The following ACTR3C variants were observed in gnomAD, a reference collection of about 807,000 sequenced individuals.
The protein encoded by ACTR3C is actin related protein 3C, also known as actin-related protein 3C.
ACTR3C carries 18 observed loss-of-function variants against 26.3 expected under a neutral mutation model. The observed-to-expected ratio is 0.68, with a 90% CI of 0.47 to 1.01. The LOEUF (loss-of-function observed/expected upper bound fraction) is 1.01. ACTR3C is among the 50% of genes least tolerant of loss of function. ACTR3C has a pLI of 0.00. For missense variants in ACTR3C, 184 were observed against 250.7 expected (o/e 0.73, Z 1.80); for synonymous variants, 55 against 94.5 (o/e 0.58, Z 2.42).
the ACTR3C span, among the ~76,000 whole-genome samples, chr7:150,083,094 T>C: frequency 2.0e-5 from 3 of 151,076 alleles, no homozygotes; most frequent in Non-Finnish European, 4.4e-5. Context: ...TACAGGCACA[T>C]ACCACCATGC....
At chr7:150,015,954 T>C in the ACTR3C span, among the ~76,000 whole-genome samples, 2 of 152,116 alleles carry the variant, frequency 1.3e-5, no homozygotes, top group Admixed American at 6.5e-5. Context: ...TGGTTTTCCA[T>C]GGCACAGTGA....
chr7:150,119,133 A>G, the ACTR3C span, among the ~76,000 whole-genome samples: 1 of 152,236 alleles, frequency 6.6e-6, no homozygotes, highest in South Asian at 2.1e-4. Flanking sequence ...CTGCAAAAAC[A>G]TACCAAAATG....
chr7:149,942,550 T>C, the ACTR3C span, among the ~76,000 whole-genome samples: 1 of 151,776 alleles, frequency 6.6e-6, no homozygotes, highest in Non-Finnish European at 1.5e-5. Flanking sequence ...ATCATTATTA[T>C]TGTCCAGAGA....
the ACTR3C span, among the ~76,000 whole-genome samples, chr7:149,988,133 T>C: frequency 1.3e-5 from 2 of 152,244 alleles, no homozygotes; most frequent in Non-Finnish European, 2.9e-5. Context: ...CGCACATTGC[T>C]GGCTTGCTGG....
At chr7:150,170,320 A>C in the ACTR3C span, among the ~76,000 whole-genome samples, 4 of 150,868 alleles carry the variant, frequency 2.7e-5, no homozygotes, top group East Asian at 7.7e-4. Context: ...CCAGTTTTGA[A>C]GGTGGCATCT....
the ACTR3C span, among the ~76,000 whole-genome samples, chr7:149,910,624 T>C: frequency 6.6e-6 from 1 of 152,128 alleles, no homozygotes; most frequent in African/African-American, 2.4e-5. Flanking sequence ...TCTGTAATAA[T>C]GCTTATTATT....
chr7:150,041,031 G>A, the ACTR3C span, among the ~76,000 whole-genome samples: 4 of 150,614 alleles, frequency 2.7e-5, no homozygotes, highest in Non-Finnish European at 4.4e-5. Context: ...CCTCAGCCAG[G>A]GCCCCACAGT....
At chr7:150,200,802 G>A in the ACTR3C span, among the ~76,000 whole-genome samples, 4 of 152,170 alleles carry the variant, frequency 2.6e-5, no homozygotes, top group African/African-American at 9.7e-5. Flanking sequence ...AGATTACTGA[G>A]AGGGTTAAGT....
chr7:150,141,310 G>A, the ACTR3C span, among the ~76,000 whole-genome samples: 1 of 152,146 alleles, frequency 6.6e-6, no homozygotes, highest in Admixed American at 6.5e-5. Context: ...GCAATTAGGG[G>A]ACTCCTAGTT....
At chr7:150,171,276 G>A in the ACTR3C span, among the ~76,000 whole-genome samples, 5 of 148,962 alleles carry the variant, frequency 3.4e-5, no homozygotes, top group Admixed American at 6.6e-5. Context: ...TATGTGATAT[G>A]ACTGTAATGA....
intron 6 of ACTR3C, among the ~76,000 whole-genome samples, chr7:150,272,990 C>T (rs929005655): frequency 7.2e-6 from 1 of 139,814 alleles, no homozygotes; most frequent in Non-Finnish European, 1.5e-5. Flanking sequence ...CCATGAAGGC[C>T]GGCCTGCATT....
At chr7:149,892,352 C>A in the ACTR3C span, 1 of 1,603,078 alleles carries the variant, frequency 6.2e-7, no homozygotes, top group Non-Finnish European at 8.5e-7. Flanking sequence ...TCAACACTCT[C>A]CTTTGGGCTT....
the ACTR3C span, among the ~76,000 whole-genome samples, chr7:150,106,823 C>T: frequency 1.4e-5 from 2 of 145,450 alleles, no homozygotes; most frequent in African/African-American, 5.5e-5. Context: ...CAGGTGCTTC[C>T]CTGGCTAAAG....
chr7:150,070,515 A>T, the ACTR3C span, among the ~76,000 whole-genome samples: 135 of 152,262 alleles, frequency 8.9e-4, no homozygotes, highest in Non-Finnish European at 6.9e-4. Context: ...CGGTGGTACT[A>T]ACATGGCTCA....
At chr7:150,127,077 T>G in the ACTR3C span, among the ~76,000 whole-genome samples, 2 of 151,108 alleles carry the variant, frequency 1.3e-5, no homozygotes, top group Non-Finnish European at 1.5e-5. Context: ...CTCAGAGGAC[T>G]TGTGAGACCA....
At chr7:150,161,226 T>TATATATATATATATATATC in the ACTR3C span, among the ~76,000 whole-genome samples, 1 of 78,882 alleles carries the variant, frequency 1.3e-5, no homozygotes, top group Non-Finnish European at 2.4e-5. Context: ...ATATATATAT[T>TATATATATATATATATATC]TATTATACTT....
At chr7:149,941,650 C>T in the ACTR3C span, among the ~76,000 whole-genome samples, 1 of 152,190 alleles carries the variant, frequency 6.6e-6, no homozygotes, top group Non-Finnish European at 1.5e-5. Flanking sequence ...CTATCATATG[C>T]AGGTGGGGAC....
At chr7:150,189,258 G>A in the ACTR3C span, among the ~76,000 whole-genome samples, 32 of 152,220 alleles carry the variant, frequency 2.1e-4, no homozygotes, top group Admixed American at 2.6e-4. Flanking sequence ...TGGGCTTATA[G>A]TATCAAGTCA....
At chr7:150,024,168 C>T in the ACTR3C span, among the ~76,000 whole-genome samples, 10 of 151,532 alleles carry the variant, frequency 6.6e-5, no homozygotes, top group East Asian at 1.8e-3. Context: ...GGAACGTGCT[C>T]GCTGCACAGA....
Sources: allele counts gnomAD v4.1 joint callset (sites outside exome capture counted in the v4.1 genomes callset), GRCh38; gene constraint gnomAD v4.1.1; transcripts MANE v1.5; gene names NCBI Gene and HGNC (gene_info 2026-07-23, HGNC 2026-07-21).